SCOC: variants seen among roughly 807,000 people sequenced by gnomAD.
SCOC encodes the protein short coiled-coil protein, also known as short coiled coil protein.
In SCOC, 7 loss-of-function variants were observed where a neutral mutation model predicts 9.9. The ratio of observed to expected loss-of-function variants is 0.71; its 90% CI spans 0.40 to 1.33. The LOEUF (loss-of-function observed/expected upper bound fraction) is 1.33. Ranked by LOEUF, SCOC falls within the 40% of genes most tolerant of loss-of-function variation. SCOC has a pLI of 0.01. For synonymous variants in SCOC, 19 were observed against 28.2 expected, an observed-to-expected ratio of 0.67 and a Z score of 1.03; for missense variants, 66 against 89.7, an observed-to-expected ratio of 0.74 and a Z score of 1.07.
intron 1 of SCOC, among the ~76,000 whole-genome samples, chr4:140,324,361 A>G (rs561738098): frequency 6.6e-6 from 1 of 152,220 alleles, no homozygotes; most frequent in Non-Finnish European, 1.5e-5. Flanking sequence ...CCAGTGAAAT[A>G]AGCCAAGAAA....
chr4:140,366,135 C>T, intron 2 of SCOC: 1 of 443,554 alleles, frequency 2.3e-6, no homozygotes, highest in Non-Finnish European at 4.0e-6. Flanking sequence ...AGCAGCCTAG[C>T]ATTTTAGAGC....
At chr4:140,271,940 G>A (rs1329546236) in intron 1 of SCOC, among the ~76,000 whole-genome samples, 1 of 152,134 alleles carries the variant, frequency 6.6e-6, no homozygotes, top group Non-Finnish European at 1.5e-5. Flanking sequence ...GCGCCTGTCT[G>A]TGTGGTGAAA....
At chr4:140,334,680 G>A (rs561957947) in intron 1 of SCOC, among the ~76,000 whole-genome samples, 10 of 152,204 alleles carry the variant, frequency 6.6e-5, no homozygotes, top group East Asian at 1.9e-4. Context: ...TTATGCAGCC[G>A]TTCTCTAGAA....
chr4:140,352,397 A>G (rs553885831), intron 2 of SCOC, among the ~76,000 whole-genome samples: 1 of 152,344 alleles, frequency 6.6e-6, no homozygotes, highest in South Asian at 2.1e-4. Context: ...TAAAGATAAT[A>G]TGGACAGTGG....
intron 1 of SCOC, among the ~76,000 whole-genome samples, chr4:140,302,757 A>G (rs542403472): frequency 6.6e-6 from 1 of 152,330 alleles, no homozygotes; most frequent in East Asian, 1.9e-4. Flanking sequence ...GAACATTATC[A>G]AGGTAGGTGT....
intron 1 of SCOC, among the ~76,000 whole-genome samples, chr4:140,319,519 A>G (rs913425391): frequency 6.6e-6 from 1 of 152,172 alleles, no homozygotes. Flanking sequence ...AAAAAATACA[A>G]TTTAGTGACC....
At chr4:140,267,926 C>G (rs1730766347) in intron 1 of SCOC, among the ~76,000 whole-genome samples, 1 of 152,204 alleles carries the variant, frequency 6.6e-6, no homozygotes, top group South Asian at 2.1e-4. Context: ...CTGGTCAGCT[C>G]TGATTCCTAG....
At chr4:140,287,434 A>T (rs1197419093) in intron 1 of SCOC, among the ~76,000 whole-genome samples, 1 of 151,646 alleles carries the variant, frequency 6.6e-6, no homozygotes, top group Non-Finnish European at 1.5e-5. Context: ...CAGACCATGC[A>T]CATACATATA....
chr4:140,295,809 T>C (rs1222229767), intron 1 of SCOC, among the ~76,000 whole-genome samples: 2 of 151,534 alleles, frequency 1.3e-5, no homozygotes, highest in Non-Finnish European at 2.9e-5. Context: ...CGGGCGCCTG[T>C]AGTCCCAGCT....
chr4:140,292,301 G>C lies in SCOC; in HGVS notation c.-19+34891G>C, dbSNP rs529078912. Among the ~76,000 whole-genome samples, 67 of 151,318 alleles carry C rather than the reference G, an allele frequency of 4.4e-4. 1 individual carries two copies. The highest frequency in any genetic ancestry group is 1.4e-3 in the African/African-American group (59 of 41,160). ...CCTCCTGGATTCAAGTGATTCTCGT[G>C]CCTCACCCTCCCAAGTTGCTGGGGC... is the stretch of plus-strand genomic sequence containing the variant. On this transcript the variant is annotated intron_variant, in intron 1 of 4. Transcript: ENST00000394205.
intron 1 of SCOC, among the ~76,000 whole-genome samples, chr4:140,326,843 T>C (rs1183798650): frequency 1.3e-5 from 2 of 152,238 alleles, no homozygotes; most frequent in African/African-American, 2.4e-5. Flanking sequence ...AAGCTCAATC[T>C]GATAACATTC....
chr4:140,330,339 G>C (rs1337084112), intron 1 of SCOC, among the ~76,000 whole-genome samples: 1 of 151,798 alleles, frequency 6.6e-6, no homozygotes, highest in Non-Finnish European at 1.5e-5. Context: ...TGGGGTGCTG[G>C]GTGCACCAAA....
At chr4:140,322,328 T>C (rs112335387) in intron 1 of SCOC, among the ~76,000 whole-genome samples, 16 of 152,236 alleles carry the variant, frequency 1.1e-4, no homozygotes, top group African/African-American at 3.9e-4. Flanking sequence ...TTGAGGGTGA[T>C]TCTGGTGAGA....
chr4:140,285,275 G>A (rs1318395966), intron 1 of SCOC: 6 of 456,600 alleles, frequency 1.3e-5, no homozygotes, highest in Non-Finnish European at 2.6e-5. Flanking sequence ...TTTTCTTAAG[G>A]AGCCAAAAGA....
chr4:140,286,193 A>T (rs1731263348), intron 1 of SCOC, among the ~76,000 whole-genome samples: 1 of 152,062 alleles, frequency 6.6e-6, no homozygotes, highest in African/African-American at 2.4e-5. Flanking sequence ...CAAAATAAAA[A>T]AAAAAAAGAA....
At chr4:140,327,614 C>A (rs1024407878) in intron 1 of SCOC, among the ~76,000 whole-genome samples, 1 of 152,076 alleles carries the variant, frequency 6.6e-6, no homozygotes, top group African/African-American at 2.4e-5. Flanking sequence ...CATAGCGAGA[C>A]CCTGTTTCAA....
intron 1 of SCOC, among the ~76,000 whole-genome samples, chr4:140,302,457 T>C (rs1384732697): frequency 6.6e-6 from 1 of 152,230 alleles, no homozygotes; most frequent in Non-Finnish European, 1.5e-5. Context: ...ATTGAAGAAA[T>C]GATCTGGAAT....
intron 2 of SCOC, among the ~76,000 whole-genome samples, chr4:140,360,343 C>CT (rs1429988174): frequency 1.3e-5 from 2 of 152,018 alleles, no homozygotes; most frequent in Non-Finnish European, 2.9e-5. Context: ...TGTAGAACCC[C>CT]TAAGTGGCAT....
Position 140,262,961 on chromosome 4 carries a change from G to GC in SCOC, c.-19+5558dup, listed in dbSNP as rs1269802255. ...CCATGATCCAATCACCTCCTGCCAG[G>GC]CCCCCCCTCCAACCCTGAGGATCAC... is the stretch of plus-strand genomic sequence containing the variant. On this transcript the variant is annotated intron_variant, in intron 1 of 4. Coordinates refer to the SCOC transcript ENST00000394205. Among the ~76,000 whole-genome samples the GC allele has an allele frequency of 3.3e-5, 5 of 152,064 alleles. No individual in the cohort carries two copies. The East Asian group carries it at 7.7e-4, about 24-fold the overall frequency.
Sources: gnomAD v4.1 joint callset for allele counts (sites outside exome capture counted in the v4.1 genomes callset) on GRCh38, gnomAD v4.1.1 for gene constraint, MANE v1.5 for transcripts, NCBI Gene and HGNC (gene_info 2026-07-23, HGNC 2026-07-21) for gene names.